Variants in CDH18 observed in about 807,000 individuals in gnomAD.
CDH18 encodes the protein cadherin-18.
CDH18 carries 31 observed loss-of-function variants against 67.9 expected under a neutral mutation model. That is an observed-to-expected ratio of 0.46 (90% CI 0.34 to 0.62). CDH18 has a LOEUF of 0.62. Ranked by LOEUF, CDH18 falls within the 20% of genes least tolerant of loss-of-function variation. The pLI is 0.01. For synonymous variants in CDH18, 362 were observed against 347.2 expected, an observed-to-expected ratio of 1.04 and a Z score of -0.48; for missense variants, 890 against 975.5, an observed-to-expected ratio of 0.91 and a Z score of 1.17.
chr5:20,164,715 G>A (rs1468394778), intron 2 of CDH18, among the ~76,000 whole-genome samples: 5 of 152,060 alleles, frequency 3.3e-5, no homozygotes, highest in African/African-American at 1.2e-4. Flanking sequence ...TTAGAGATAC[G>A]GCCAAGAATT....
intron 5 of CDH18, among the ~76,000 whole-genome samples, chr5:19,681,767 T>C (rs1446874527): frequency 6.6e-6 from 1 of 152,024 alleles, no homozygotes; most frequent in Non-Finnish European, 1.5e-5. Context: ...TATAAATATT[T>C]ACCCTAACCT....
At chr5:19,676,131 C>T (rs981084510) in intron 5 of CDH18, among the ~76,000 whole-genome samples, 8 of 151,856 alleles carry the variant, frequency 5.3e-5, no homozygotes, top group Non-Finnish European at 7.4e-5. Flanking sequence ...TGAAATAACA[C>T]AGTCAGACAA....
chr5:20,168,672 T>A, intron 2 of CDH18, among the ~76,000 whole-genome samples: 1 of 152,152 alleles, frequency 6.6e-6, no homozygotes, highest in East Asian at 1.9e-4. Flanking sequence ...CTCTACAGTT[T>A]GCTATCAAAG....
rs992845568 is a variant in CDH18, at chr5:19,501,961, T to C, written c.1630+1031A>G. Among the ~76,000 whole-genome samples the C allele has an allele frequency of 2.6e-5, 4 of 152,218 alleles. No individual in the cohort carries two copies. The South Asian group carries it at 6.2e-4, about 24-fold the overall frequency. Reference sequence around the variant, plus strand: ...AAACATGCACAAATATTGATTCCCATAAGCAGAGCTGACATAGGGCCACTT... The same window carrying C: ...AAACATGCACAAATATTGATTCCCACAAGCAGAGCTGACATAGGGCCACTT... On this transcript the variant is annotated intron_variant, in intron 11 of 12. Coordinates refer to ENST00000382275, the MANE Select transcript of CDH18 (RefSeq NM_004934.5).
At chr5:19,491,540 C>A (rs1741462861) in intron 11 of CDH18, among the ~76,000 whole-genome samples, 1 of 152,132 alleles carries the variant, frequency 6.6e-6, no homozygotes, top group Non-Finnish European at 1.5e-5. Flanking sequence ...GTGTATCAAA[C>A]TACATACCTG....
At chr5:19,947,287 T>C (rs936232959) in intron 2 of CDH18, among the ~76,000 whole-genome samples, 2 of 152,020 alleles carry the variant, frequency 1.3e-5, no homozygotes, top group African/African-American at 4.8e-5. Context: ...AATGACCTAG[T>C]ATAAGGTTCA....
chr5:20,138,489 A>T (rs1307838713), intron 2 of CDH18, among the ~76,000 whole-genome samples: 1 of 152,164 alleles, frequency 6.6e-6, no homozygotes, highest in African/African-American at 2.4e-5. Context: ...AGAAAGAAAT[A>T]AATGGAATTC....
intron 1 of CDH18, among the ~76,000 whole-genome samples, chr5:20,461,454 C>T (rs1025439122): frequency 1.3e-5 from 2 of 152,132 alleles, no homozygotes; most frequent in Non-Finnish European, 2.9e-5. Context: ...AGATAATCTT[C>T]TGAGGCTATG....
chr5:19,941,893 A>C (rs1336013747), intron 2 of CDH18, among the ~76,000 whole-genome samples: 1 of 152,130 alleles, frequency 6.6e-6, no homozygotes, highest in Non-Finnish European at 1.5e-5. Flanking sequence ...ATCATAAATG[A>C]AGCTAGTTGA....
intron 2 of CDH18, among the ~76,000 whole-genome samples, chr5:20,250,307 T>A (rs1743739460): frequency 6.6e-6 from 1 of 151,994 alleles, no homozygotes; most frequent in African/African-American, 2.4e-5. Flanking sequence ...TTTATTTATT[T>A]TTTTCAGACG....
At chr5:19,716,730 G>A (rs1765385957) in intron 5 of CDH18, among the ~76,000 whole-genome samples, 1 of 151,946 alleles carries the variant, frequency 6.6e-6, no homozygotes, top group Admixed American at 6.6e-5. Flanking sequence ...CATTAGGAGT[G>A]TTGATTAAAA....
chr5:20,499,218 A>T (rs1754093364), intron 1 of CDH18, among the ~76,000 whole-genome samples: 1 of 152,128 alleles, frequency 6.6e-6, no homozygotes, highest in Non-Finnish European at 1.5e-5. Context: ...CAAGTCCATG[A>T]TATAAAATGG....
At chr5:19,863,018 C>T (rs548889712) in intron 2 of CDH18, among the ~76,000 whole-genome samples, 8 of 31,108 alleles carry the variant, frequency 2.6e-4, no homozygotes, top group East Asian at 2.0e-3. Flanking sequence ...GTTTTTTTAA[C>T]GGGGGAAAAA....
intron 3 of CDH18, among the ~76,000 whole-genome samples, chr5:19,753,444 G>C (rs1581197856): frequency 6.6e-6 from 1 of 152,104 alleles, no homozygotes; most frequent in Non-Finnish European, 1.5e-5. Flanking sequence ...ATTCAGACAA[G>C]TTCTTCAAAT....
chr5:20,305,418 A>G, intron 1 of CDH18: 14 of 1,534,240 alleles, frequency 9.1e-6, no homozygotes, highest in Non-Finnish European at 1.3e-5. Flanking sequence ...CCCAATTCCT[A>G]TCTGTCAGTT....
chr5:19,558,751 C>T (rs1166348845), intron 8 of CDH18, among the ~76,000 whole-genome samples: 3 of 151,912 alleles, frequency 2.0e-5, no homozygotes, highest in African/African-American at 7.2e-5. Flanking sequence ...CCTATTGACA[C>T]TATTCCACAA....
intron 1 of CDH18, among the ~76,000 whole-genome samples, chr5:20,416,180 C>A: frequency 6.6e-6 from 1 of 151,882 alleles, no homozygotes; most frequent in South Asian, 2.1e-4. Flanking sequence ...CATATTATGT[C>A]AATATTTATG....
chr5:20,444,867 T>G (rs1382719421), intron 1 of CDH18, among the ~76,000 whole-genome samples: 1 of 152,094 alleles, frequency 6.6e-6, no homozygotes, highest in Non-Finnish European at 1.5e-5. Flanking sequence ...GCTTCCAGTC[T>G]GGCAGTCAAG....
intron 2 of CDH18, among the ~76,000 whole-genome samples, chr5:19,845,464 T>C (rs928824174): frequency 3.3e-5 from 5 of 152,160 alleles, no homozygotes; most frequent in Non-Finnish European, 7.4e-5. Flanking sequence ...TCATTTCTAC[T>C]AGAGAAGAAT....
Sources: allele counts gnomAD v4.1 joint callset (sites outside exome capture counted in the v4.1 genomes callset), GRCh38; gene constraint gnomAD v4.1.1; transcripts MANE v1.5; gene names NCBI Gene and HGNC (gene_info 2026-07-23, HGNC 2026-07-21).